Variants in LOC400499 observed in about 807,000 individuals in gnomAD.
At chr16:11,456,930 T>C in the LOC400499 span, 10 of 1,536,134 alleles carry the variant, frequency 6.5e-6, no homozygotes, top group East Asian at 2.0e-4. Flanking sequence ...CGGCCGCCCA[T>C]TGTACTGCAC....
the LOC400499 span, chr16:11,396,707 C>G: frequency 3.2e-6 from 4 of 1,231,710 alleles, no homozygotes; most frequent in East Asian, 3.2e-5. Context: ...GTCAGGCAGG[C>G]ACAGGGGTGG....
the LOC400499 span, among the ~76,000 whole-genome samples, chr16:11,374,800 C>A: frequency 6.6e-6 from 1 of 152,004 alleles, no homozygotes; most frequent in African/African-American, 2.4e-5. Flanking sequence ...TGTGTGAGAC[C>A]CTTTGAATTT....
chr16:11,386,789 G>T, the LOC400499 span, among the ~76,000 whole-genome samples: 2 of 152,226 alleles, frequency 1.3e-5, no homozygotes, highest in Non-Finnish European at 2.9e-5. Context: ...TTGGCTACAG[G>T]TCGCCTCTGA....
chr16:11,479,463 TA>T, the LOC400499 span, among the ~76,000 whole-genome samples: 81,843 of 141,196 alleles, frequency 0.58, 24,381 homozygotes, highest in African/African-American at 0.77. Flanking sequence ...ATTAAAAAAT[TA>T]AAAAAAAAAA....
the LOC400499 span, among the ~76,000 whole-genome samples, chr16:11,452,361 G>T: frequency 1.0e-3 from 158 of 152,262 alleles, 1 homozygote; most frequent in African/African-American, 3.6e-3. Context: ...CCAAGTTCAA[G>T]ACCTGGATCA....
chr16:11,382,844 C>T, the LOC400499 span, among the ~76,000 whole-genome samples: 1 of 152,082 alleles, frequency 6.6e-6, no homozygotes, highest in African/African-American at 2.4e-5. Flanking sequence ...TTTCAAGAGG[C>T]AACTTAATGT....
chr16:11,385,315 C>A, the LOC400499 span: 1 of 1,232,298 alleles, frequency 8.1e-7, no homozygotes, highest in African/African-American at 1.5e-5. Flanking sequence ...GTGTTGTGAG[C>A]AAAGTCCTGG....
chr16:11,423,284 C>CT, the LOC400499 span: 1 of 399,010 alleles, frequency 2.5e-6, no homozygotes, highest in Admixed American at 4.4e-5. Flanking sequence ...TGGGAAGGGG[C>CT]TGGCTTCTTC....
the LOC400499 span, chr16:11,439,379 C>A: frequency 1.0e-5 from 4 of 397,170 alleles, no homozygotes; most frequent in Non-Finnish European, 1.8e-5. Flanking sequence ...GGCTCCCTCC[C>A]TCGGGCCCCC....
the LOC400499 span, among the ~76,000 whole-genome samples, chr16:11,429,447 G>C: frequency 1.3e-5 from 2 of 152,194 alleles, no homozygotes; most frequent in Admixed American, 1.3e-4. Flanking sequence ...GGCAAAGGGA[G>C]TTAGCAGGGA....
chr16:11,473,934 T>C, the LOC400499 span, among the ~76,000 whole-genome samples: 1 of 152,170 alleles, frequency 6.6e-6, no homozygotes, highest in African/African-American at 2.4e-5. Context: ...CAGCTCACTG[T>C]TGCCTCGACC....
the LOC400499 span, among the ~76,000 whole-genome samples, chr16:11,405,474 G>C: frequency 6.6e-6 from 1 of 152,202 alleles, no homozygotes; most frequent in African/African-American, 2.4e-5. Flanking sequence ...AGGGAGAAAG[G>C]AACGCAGAGA....
chr16:11,427,263 T>G, the LOC400499 span, among the ~76,000 whole-genome samples: 1 of 143,084 alleles, frequency 7.0e-6, no homozygotes, highest in Admixed American at 7.7e-5. Context: ...CTTGGGAGGC[T>G]GAGGCACAAG....
the LOC400499 span, among the ~76,000 whole-genome samples, chr16:11,511,838 G>A: frequency 6.6e-6 from 1 of 151,764 alleles, no homozygotes; most frequent in African/African-American, 2.4e-5. Flanking sequence ...ACCAGCCTGG[G>A]CAACATAGCA....
chr16:11,403,487 T>C, the LOC400499 span, among the ~76,000 whole-genome samples: 1 of 151,234 alleles, frequency 6.6e-6, no homozygotes, highest in Non-Finnish European at 1.5e-5. Context: ...ACACATACAC[T>C]CATGAGCACA....
At chr16:11,448,955 C>A in the LOC400499 span, 1 of 1,502,570 alleles carries the variant, frequency 6.7e-7, no homozygotes, top group Non-Finnish European at 8.9e-7. Context: ...TTAGGTTCAG[C>A]TCCTGCTGGG....
chr16:11,427,268 C>T, the LOC400499 span, among the ~76,000 whole-genome samples: 3 of 142,036 alleles, frequency 2.1e-5, no homozygotes, highest in African/African-American at 7.9e-5. Flanking sequence ...GAGGCTGAGG[C>T]ACAAGAATCG....
the LOC400499 span, among the ~76,000 whole-genome samples, chr16:11,491,214 C>T: frequency 6.6e-6 from 1 of 152,184 alleles, no homozygotes; most frequent in Non-Finnish European, 1.5e-5. Flanking sequence ...TCTCACCCCA[C>T]TGTGCATTAT....
the LOC400499 span, chr16:11,478,499 G>C: frequency 2.5e-6 from 1 of 399,068 alleles, no homozygotes; most frequent in South Asian, 1.3e-4. Flanking sequence ...TCACAGGGCA[G>C]ATGGCATGGG....
Sources: allele counts gnomAD v4.1 joint callset (sites outside exome capture counted in the v4.1 genomes callset), GRCh38; gene constraint gnomAD v4.1.1; transcripts MANE v1.5.